FRMD3: variants seen among roughly 807,000 people sequenced by gnomAD.
FRMD3 encodes the protein FERM domain-containing protein 3.
A neutral mutation model predicts 70.2 loss-of-function variants in FRMD3; 33 were observed. The observed-to-expected ratio is 0.47, with a 90% CI of 0.36 to 0.63. The LOEUF is 0.63. Ranked by LOEUF, FRMD3 falls within the 20% of genes least tolerant of loss-of-function variation. FRMD3 has a pLI of 0.00. For missense variants in FRMD3, 632 were observed against 711.4 expected (o/e 0.89, Z 1.27); for synonymous variants, 279 against 255.9 (o/e 1.09, Z -0.86).
intron 1 of FRMD3, among the ~76,000 whole-genome samples, chr9:83,456,839 G>A (rs758729595): frequency 2.0e-5 from 3 of 152,064 alleles, no homozygotes; most frequent in Non-Finnish European, 4.4e-5. Flanking sequence ...AATTAGCTGG[G>A]CATGGTGGCA....
At chr9:83,425,627 C>T (rs537195335) in intron 1 of FRMD3, among the ~76,000 whole-genome samples, 109 of 152,068 alleles carry the variant, frequency 7.2e-4, no homozygotes, top group Non-Finnish European at 1.3e-3. Context: ...TCCTATGGGC[C>T]GGGCGCAGTG....
intron 1 of FRMD3, among the ~76,000 whole-genome samples, chr9:83,417,310 A>C (rs1458903910): frequency 6.6e-6 from 1 of 152,176 alleles, no homozygotes; most frequent in African/African-American, 2.4e-5. Context: ...AACAAAATAA[A>C]AGAGTAAACC....
At chr9:83,509,785 G>GCA (rs1829295352) in intron 1 of FRMD3, among the ~76,000 whole-genome samples, 1 of 149,864 alleles carries the variant, frequency 6.7e-6, no homozygotes, top group Non-Finnish European at 1.5e-5. Flanking sequence ...GCACACGCGC[G>GCA]CGCACACACA....
Position 83,245,064 on chromosome 9 carries a change from C to A in FRMD3, c.*2854G>T. The A allele has an allele frequency of 1.0e-6, 1 of 985,280 alleles. No individual in the cohort carries two copies. The highest frequency in any genetic ancestry group is 1.2e-6 in the Non-Finnish European group (1 of 829,882). 61.0% of individuals were successfully genotyped at this position (985,280 alleles called of 1,614,324 possible). A position where few individuals can be genotyped will look rare whatever the true frequency, so the allele number is the denominator to read the frequency against. ...TAACCCTTTCAGGCTGTGGGTTTTACCCACCATAGTATCTGAGAGGGAGAA... is the reference window on the plus strand; with the variant it reads ...TAACCCTTTCAGGCTGTGGGTTTTAACCACCATAGTATCTGAGAGGGAGAA... On this transcript the variant is annotated 3_prime_UTR_variant, in exon 14 of 14. Transcript: ENST00000304195.
chr9:83,367,920 T>C lies in FRMD3; in HGVS notation c.295+4993A>G, dbSNP rs115073511. Among the ~76,000 whole-genome samples the C allele has an allele frequency of 3.0e-3, 457 of 152,322 alleles. 1 individual carries two copies. The highest frequency in any genetic ancestry group is 0.01 in the African/African-American group (432 of 41,574). ...GTAATTTGTGTCTTCTCCCTCTTTT[T>C]TTCCTCTCCTCCATTTTGCTAAAAA... On this transcript the variant is annotated intron_variant, in intron 3 of 13. Transcript: ENST00000304195.
At position 83,247,811 on chromosome 9, in the gene FRMD3, T is replaced by C; in HGVS notation, c.*107A>G. ...AAAGGTTTGAATAATCAATTATGAG[T>C]AAGGAACACCTGTTGACAGCCCCGT... is the stretch of plus-strand genomic sequence containing the variant. On this transcript the variant is annotated 3_prime_UTR_variant, in exon 14 of 14. Transcript: ENST00000304195. The C allele has an allele frequency of 6.6e-7, 1 of 1,510,500 alleles. No homozygotes were observed. The highest frequency in any genetic ancestry group is 8.8e-7 in the Non-Finnish European group (1 of 1,134,134). The allele number at this position is 1,510,500 out of a possible 1,614,324, so 93.6% of individuals were successfully genotyped here. A position where few individuals can be genotyped will look rare whatever the true frequency, so the allele number is the denominator to read the frequency against.
chr9:83,505,348 G>A (rs1313755685), intron 1 of FRMD3, among the ~76,000 whole-genome samples: 7 of 152,104 alleles, frequency 4.6e-5, no homozygotes, highest in Non-Finnish European at 8.8e-5. Flanking sequence ...GAAAGTGCTC[G>A]AGAAGGACAC....
chr9:83,535,161 T>C (rs1172787322), intron 1 of FRMD3, among the ~76,000 whole-genome samples: 1 of 152,092 alleles, frequency 6.6e-6, no homozygotes, highest in African/African-American at 2.4e-5. Context: ...TACTCAAAGG[T>C]TGGTGGTAGA....
chr9:83,449,438 G>T (rs1395338275), intron 1 of FRMD3, among the ~76,000 whole-genome samples: 1 of 152,142 alleles, frequency 6.6e-6, no homozygotes. Flanking sequence ...TGAACTCTGA[G>T]GTCATGGGGT....
chr9:83,368,482 T>A (rs1824862370), intron 3 of FRMD3, among the ~76,000 whole-genome samples: 1 of 151,686 alleles, frequency 6.6e-6, no homozygotes, highest in African/African-American at 2.4e-5. Flanking sequence ...CAGGCTATGT[T>A]AATTTAAAAA....
chr9:83,502,667 C>G lies in FRMD3; in HGVS notation c.147+35418G>C, dbSNP rs574924962. Reference sequence around the variant, plus strand: ...GGGAAGAAGCAGAGGCAAAGGGCAGCAGAGGTTACCTCCAATTTCATGATT... The same window carrying G: ...GGGAAGAAGCAGAGGCAAAGGGCAGGAGAGGTTACCTCCAATTTCATGATT... On this transcript the variant is annotated intron_variant, in intron 1 of 13. Coordinates refer to ENST00000304195, the MANE Select transcript of FRMD3 (RefSeq NM_174938.6). Among the ~76,000 whole-genome samples, 68 of 152,278 alleles carry G rather than the reference C, an allele frequency of 4.5e-4. 1 individual carries two copies. Among genetic ancestry groups the G allele is most frequent in the Admixed American group, 2.3e-3 (35 of 15,286 alleles).
intron 1 of FRMD3, among the ~76,000 whole-genome samples, chr9:83,479,671 G>GGAAGGAAGGAAA (rs1357329351): frequency 6.3e-4 from 19 of 29,976 alleles, no homozygotes; most frequent in Admixed American, 1.4e-3. Flanking sequence ...AAGGAAGGAA[G>GGAAGGAAGGAAA]GAAAGAAAGA....
the FRMD3 span, among the ~76,000 whole-genome samples, chr9:83,560,377 C>A: frequency 1.3e-5 from 2 of 152,124 alleles, no homozygotes; most frequent in Non-Finnish European, 2.9e-5. Context: ...GAAGAACATG[C>A]CCCAAAGAGA....
chr9:83,412,404 G>A (rs12343805), intron 1 of FRMD3, among the ~76,000 whole-genome samples: 6,357 of 152,204 alleles, frequency 0.042, 458 homozygotes, highest in African/African-American at 0.14. Context: ...GCCTAGAAGT[G>A]GAATTTTTAA....
chr9:83,310,626 G>A, intron 8 of FRMD3, 78 bp from the exon 9 acceptor site: 1 of 1,106,198 alleles, frequency 9.0e-7, no homozygotes. Context: ...ATAGGAATCT[G>A]ACTCAAAAAT....
chr9:83,521,533 T>C (rs187311405), intron 1 of FRMD3, among the ~76,000 whole-genome samples: 12 of 152,194 alleles, frequency 7.9e-5, no homozygotes, highest in Admixed American at 2.6e-4. Flanking sequence ...TGCCTCAGGG[T>C]GGGGCTTTTC....
At chr9:83,300,757 TACAC>T (rs1290790104) in intron 10 of FRMD3, among the ~76,000 whole-genome samples, 1 of 152,206 alleles carries the variant, frequency 6.6e-6, no homozygotes, top group African/African-American at 2.4e-5. Context: ...TTATTATTAC[TACAC>T]ACACACATAT....
rs1275391731 is a variant in FRMD3, at chr9:83,357,242, CATACATATATATATATATATATATAT to C, written c.296-7511_296-7486del. 2.2e-3 allele frequency among the ~76,000 whole-genome samples: 29 copies of C among 13,248 alleles called. 2 individuals carry two copies. Among genetic ancestry groups the C allele is most frequent in the Non-Finnish European group, 2.9e-3 (27 of 9,178 alleles). 8.7% of individuals were successfully genotyped at this position (13,248 alleles called of 152,430 possible). On this transcript the variant is annotated intron_variant, in intron 3 of 13. Transcript: ENST00000304195. ...ATATATATTTTATATATATATAATACATACATATATATATATATATATATATATATATATATATATATATATATATA... is the reference window on the plus strand; with the variant it reads ...ATATATATTTTATATATATATAATACATATATATATATATATATATATATA...
chr9:83,359,406 G>A (rs558058947), intron 3 of FRMD3, among the ~76,000 whole-genome samples: 81 of 152,156 alleles, frequency 5.3e-4, no homozygotes, highest in Middle Eastern at 3.4e-3. Context: ...AAATTGCTGC[G>A]TCCAAACTTA....
Sources: gnomAD v4.1 joint callset for allele counts (sites outside exome capture counted in the v4.1 genomes callset) on GRCh38, gnomAD v4.1.1 for gene constraint, MANE v1.5 for transcripts, NCBI Gene and HGNC (gene_info 2026-07-23, HGNC 2026-07-21) for gene names.